MYO16: variants seen among roughly 807,000 people sequenced by gnomAD.
MYO16 encodes the protein myosin XVI.
MYO16 carries 94 observed loss-of-function variants against 205.3 expected under a neutral mutation model. That is an observed-to-expected ratio of 0.46 (90% CI 0.39 to 0.54). MYO16 has a LOEUF of 0.54. Ranked by LOEUF, MYO16 falls within the 20% of genes least tolerant of loss-of-function variation. MYO16 has a pLI of 0.00. For missense variants in MYO16, 2,315 were observed against 2,387.5 expected, an observed-to-expected ratio of 0.97 and a Z score of 0.63; for synonymous variants, 988 against 954.0, an observed-to-expected ratio of 1.04 and a Z score of -0.66.
At chr13:108,717,269 G>T (rs111545232) in intron 3 of MYO16, among the ~76,000 whole-genome samples, 1 of 152,168 alleles carries the variant, frequency 6.6e-6, no homozygotes, top group African/African-American at 2.4e-5. Context: ...CTCTTTCTTT[G>T]ATCAAGTGAA....
At chr13:108,885,529 TC>T (rs1879827525) in intron 13 of MYO16, among the ~76,000 whole-genome samples, 1 of 152,232 alleles carries the variant, frequency 6.6e-6, no homozygotes, top group African/African-American at 2.4e-5. Flanking sequence ...TTCCTGGTCT[TC>T]CTTTGATAAA....
intron 1 of MYO16, among the ~76,000 whole-genome samples, chr13:108,647,255 G>A (rs760865112): frequency 2.6e-5 from 4 of 151,562 alleles, no homozygotes; most frequent in Admixed American, 6.6e-5. Flanking sequence ...TTTTTTGTTC[G>A]AACTCAGACT....
chr13:108,509,757 C>T, the MYO16 span, among the ~76,000 whole-genome samples: 2 of 152,038 alleles, frequency 1.3e-5, no homozygotes, highest in African/African-American at 4.8e-5. Context: ...TGTAAAAAAC[C>T]TGCACATTAT....
chr13:108,666,728 G>C (rs1881749689), intron 2 of MYO16, among the ~76,000 whole-genome samples: 1 of 152,260 alleles, frequency 6.6e-6, no homozygotes, highest in East Asian at 1.9e-4. Context: ...CTCCCTTAAA[G>C]TTGTTTGGCT....
At chr13:108,768,922 A>G (rs1350695536) in intron 4 of MYO16, among the ~76,000 whole-genome samples, 1 of 152,002 alleles carries the variant, frequency 6.6e-6, no homozygotes, top group African/African-American at 2.4e-5. Flanking sequence ...GGCCATGAAC[A>G]TGTGAAGAAA....
At chr13:109,120,599 C>A in intron 29 of MYO16, 133 bp downstream of exon 29, 1 of 584,078 alleles carries the variant, frequency 1.7e-6, no homozygotes, top group Non-Finnish European at 2.9e-6. Context: ...TGGATGCTAT[C>A]TTCAGGCAAA....
intron 31 of MYO16, among the ~76,000 whole-genome samples, chr13:109,131,849 G>A (rs1039352629): frequency 4.6e-5 from 7 of 152,096 alleles, no homozygotes; most frequent in Non-Finnish European, 8.8e-5. Flanking sequence ...ACATTCTCTC[G>A]AATTGTCTCC....
chr13:108,571,256 G>T, the MYO16 span, among the ~76,000 whole-genome samples: 2 of 151,156 alleles, frequency 1.3e-5, no homozygotes, highest in Non-Finnish European at 2.9e-5. Context: ...GAAGATAAAA[G>T]CAGGGATCAG....
chr13:108,832,497 C>T (rs1876674982), intron 9 of MYO16, among the ~76,000 whole-genome samples: 1 of 151,932 alleles, frequency 6.6e-6, no homozygotes, highest in Non-Finnish European at 1.5e-5. Context: ...AGAAATTTCT[C>T]ATAACTAGAG....
chr13:108,794,423 C>T (rs889854178), intron 6 of MYO16, among the ~76,000 whole-genome samples: 2 of 152,250 alleles, frequency 1.3e-5, no homozygotes, highest in African/African-American at 4.8e-5. Context: ...GTATGTTTTT[C>T]CTAAGAATTT....
chr13:108,599,762 C>T (rs1240458364), intron 1 of MYO16, among the ~76,000 whole-genome samples: 1 of 152,176 alleles, frequency 6.6e-6, no homozygotes, highest in Non-Finnish European at 1.5e-5. Context: ...CCACCAATTA[C>T]TATAATTTTC....
the MYO16 span, among the ~76,000 whole-genome samples, chr13:108,544,706 T>G: frequency 1.3e-5 from 2 of 152,208 alleles, no homozygotes; most frequent in African/African-American, 4.8e-5. Context: ...CTTTAAAATT[T>G]TTGATACCCA....
chr13:108,998,558 T>C (rs1226907747), intron 21 of MYO16, among the ~76,000 whole-genome samples: 1 of 152,230 alleles, frequency 6.6e-6, no homozygotes, highest in Non-Finnish European at 1.5e-5. Context: ...TATGATTATA[T>C]AATGAATTAC....
At chr13:108,667,320 GTTTTT>G in intron 2 of MYO16, among the ~76,000 whole-genome samples, 1 of 128,538 alleles carries the variant, frequency 7.8e-6, no homozygotes, top group Admixed American at 8.1e-5. Context: ...TTTCTGTTTT[GTTTTT>G]TTTTTTTTTT....
intron 28 of MYO16, among the ~76,000 whole-genome samples, chr13:109,112,476 C>T (rs946760200): frequency 2.0e-5 from 3 of 152,042 alleles, no homozygotes; most frequent in African/African-American, 7.2e-5. Flanking sequence ...TTTTTGATGG[C>T]CGGGCATGGT....
intron 16 of MYO16, among the ~76,000 whole-genome samples, chr13:108,934,524 A>G (rs1882396807): frequency 6.6e-6 from 1 of 152,104 alleles, no homozygotes; most frequent in African/African-American, 2.4e-5. Context: ...GTTTGTAAAT[A>G]TATTCTTCCA....
intron 27 of MYO16, among the ~76,000 whole-genome samples, chr13:109,093,795 G>A (rs1274534546): frequency 6.6e-6 from 1 of 152,014 alleles, no homozygotes; most frequent in Non-Finnish European, 1.5e-5. Flanking sequence ...CTATAGGAAG[G>A]TCCTCCAGAT....
chr13:108,651,958 T>A (rs1396739839), intron 1 of MYO16, among the ~76,000 whole-genome samples: 3 of 152,198 alleles, frequency 2.0e-5, no homozygotes, highest in African/African-American at 7.2e-5. Flanking sequence ...AGGGGTTATT[T>A]TTTTTAGGCT....
rs561391243 is a variant in MYO16 at position 109,056,727 on chromosome 13, G to A, written c.3335+1132G>A. On this transcript the variant is annotated intron_variant, in intron 27 of 34. Transcript: ENST00000457511. Reference sequence around the variant, plus strand: ...TCAGAGATAGCTTTCAAAGATATTTGAAAGATATTACAATCCTGGTGAAAA... The same window carrying A: ...TCAGAGATAGCTTTCAAAGATATTTAAAAGATATTACAATCCTGGTGAAAA... Among the ~76,000 whole-genome samples the A allele has an allele frequency of 4.6e-5, 7 of 152,170 alleles. 1 individual carries two copies. The South Asian group carries it at 8.3e-4, about 18-fold the overall frequency.
Sources: gnomAD v4.1 joint callset for allele counts (sites outside exome capture counted in the v4.1 genomes callset) on GRCh38, gnomAD v4.1.1 for gene constraint, MANE v1.5 for transcripts, NCBI Gene and HGNC (gene_info 2026-07-23, HGNC 2026-07-21) for gene names.